Variants in WWOX observed in about 807,000 individuals in gnomAD.
The protein encoded by WWOX is WW domain-containing oxidoreductase.
In WWOX, 69 loss-of-function variants were observed where a neutral mutation model predicts 46.2. That is an observed-to-expected ratio of 1.49 (90% CI 1.23 to 1.82). WWOX has a LOEUF of 1.82. Among genes scored for constraint, WWOX ranks in the 40% most tolerant of loss-of-function variants. WWOX has a pLI of 0.00. For synonymous variants in WWOX, 359 were observed against 202.6 expected (o/e 1.77, Z -6.56); for missense variants, 919 against 542.6 (o/e 1.69, Z -6.89).
rs980971234 is a variant in WWOX at position 78,553,636 on chromosome 16, TAGA to T, written c.1056+120887_1056+120889del. Among the ~76,000 whole-genome samples, 32 of 152,088 alleles carry T rather than the reference TAGA, an allele frequency of 2.1e-4. 1 individual carries two copies. Among genetic ancestry groups the T allele is most frequent in the Non-Finnish European group, 2.9e-5 (2 of 68,010 alleles). On this transcript the variant is annotated intron_variant, in intron 8 of 8. Transcript: ENST00000566780. ...ATAAGTGAGCAGTATGGCGCCCTAATAGAAGGAGGGATGCCTGTGGCCAATATA... is the reference window on the plus strand; with the variant it reads ...ATAAGTGAGCAGTATGGCGCCCTAATAGGAGGGATGCCTGTGGCCAATATA...
rs892586087 is a variant in WWOX, at chr16:78,770,996, G to A, written c.1056+338244G>A. On this transcript the variant is annotated intron_variant, in intron 8 of 8. Transcript: ENST00000566780. ...AAGGTGACATTTGGAGCAGAGACAT[G>A]AAGGAAGGGATTGCTGGAGGCAGAA... is the stretch of plus-strand genomic sequence containing the variant. Among the ~76,000 whole-genome samples, 10 of 152,228 alleles carry A rather than the reference G, an allele frequency of 6.6e-5. 1 individual carries two copies. The South Asian group carries it at 1.9e-3, about 28-fold the overall frequency.
chr16:78,205,952 CT>C (rs1300595766), intron 5 of WWOX, among the ~76,000 whole-genome samples: 2 of 150,412 alleles, frequency 1.3e-5, no homozygotes, highest in African/African-American at 4.9e-5. Context: ...TTGTTCCTTC[CT>C]TTCTTTCCTC....
At chr16:78,697,556 A>G (rs193176757) in intron 8 of WWOX, among the ~76,000 whole-genome samples, 3 of 152,274 alleles carry the variant, frequency 2.0e-5, no homozygotes, top group Admixed American at 6.5e-5. Flanking sequence ...AATTAGCAAG[A>G]AAAAAGCTAA....
chr16:78,254,731 G>T (rs2038081411), intron 5 of WWOX, among the ~76,000 whole-genome samples: 1 of 151,948 alleles, frequency 6.6e-6, no homozygotes, highest in African/African-American at 2.4e-5. Flanking sequence ...GTTTCACTCT[G>T]TTGCCCAGGC....
At chr16:78,630,437 T>G (rs1233515429) in intron 8 of WWOX, among the ~76,000 whole-genome samples, 1 of 152,198 alleles carries the variant, frequency 6.6e-6, no homozygotes, top group Non-Finnish European at 1.5e-5. Flanking sequence ...GGCTGGAATT[T>G]TGTTATATGC....
At position 79,167,097 on chromosome 16, in the gene WWOX, C is replaced by A. The variant is rs143252486; in HGVS notation, c.1057-44511C>A. Among the ~76,000 whole-genome samples the A allele has an allele frequency of 3.1e-3, 469 of 152,150 alleles. 3 individuals carry two copies. Among genetic ancestry groups the A allele is most frequent in the Middle Eastern group, 6.8e-3 (2 of 294 alleles). On this transcript the variant is annotated intron_variant, in intron 8 of 8. Coordinates refer to ENST00000566780, the MANE Select transcript of WWOX (RefSeq NM_016373.4). ...CTGTGATTACAGGTGTGTGCTACCA[C>A]GGCCGGCTAATTTTTTTGTATTTTA...
intron 8 of WWOX, among the ~76,000 whole-genome samples, chr16:78,467,317 A>G (rs2738671): frequency 2.0e-5 from 3 of 152,178 alleles, no homozygotes. Flanking sequence ...CACACAGTCT[A>G]TATATACATG....
intron 8 of WWOX, among the ~76,000 whole-genome samples, chr16:78,966,778 A>C (rs2046370045): frequency 6.6e-6 from 1 of 152,204 alleles, no homozygotes; most frequent in Non-Finnish European, 1.5e-5. Context: ...GTCTGGATTC[A>C]AATCACATGT....
intron 5 of WWOX, among the ~76,000 whole-genome samples, chr16:78,371,464 T>C (rs2081683904): frequency 6.6e-6 from 1 of 152,224 alleles, no homozygotes; most frequent in South Asian, 2.1e-4. Context: ...TCTGTAGCTC[T>C]TTTAGTTGGT....
chr16:78,865,212 T>C (rs1280400596), intron 8 of WWOX, among the ~76,000 whole-genome samples: 1 of 152,238 alleles, frequency 6.6e-6, no homozygotes, highest in Non-Finnish European at 1.5e-5. Flanking sequence ...GAGAATGATT[T>C]AGGATGCGAT....
At chr16:78,600,432 CG>C (rs1352130309) in intron 8 of WWOX, among the ~76,000 whole-genome samples, 1 of 152,116 alleles carries the variant, frequency 6.6e-6, no homozygotes, top group Non-Finnish European at 1.5e-5. Context: ...ATCAAGGACT[CG>C]GATTTTTATG....
At chr16:79,005,350 T>C (rs1411350182) in intron 8 of WWOX, among the ~76,000 whole-genome samples, 4 of 152,130 alleles carry the variant, frequency 2.6e-5, no homozygotes, top group Admixed American at 2.6e-4. Flanking sequence ...CTAAGCACAG[T>C]CACAGAAATG....
chr16:78,471,956 G>A (rs2084232594), intron 8 of WWOX, among the ~76,000 whole-genome samples: 1 of 151,908 alleles, frequency 6.6e-6, no homozygotes, highest in Non-Finnish European at 1.5e-5. Flanking sequence ...TACTATTAAT[G>A]CAAAATCCTT....
intron 8 of WWOX, among the ~76,000 whole-genome samples, chr16:78,500,193 G>C (rs1315477405): frequency 6.6e-6 from 1 of 152,160 alleles, no homozygotes; most frequent in Admixed American, 6.5e-5. Context: ...GGTCAATGCA[G>C]TACTAATTGT....
At chr16:78,601,032 C>G (rs2045610088) in intron 8 of WWOX, among the ~76,000 whole-genome samples, 1 of 152,188 alleles carries the variant, frequency 6.6e-6, no homozygotes. Flanking sequence ...CAACCTCGTT[C>G]AGTTTCCACA....
intron 8 of WWOX, among the ~76,000 whole-genome samples, chr16:78,784,939 G>T (rs150993145): frequency 4.6e-3 from 696 of 152,266 alleles, no homozygotes; most frequent in Non-Finnish European, 8.1e-3. Context: ...AGGAAGCGAG[G>T]TGTCCCTTTT....
chr16:78,834,476 C>T (rs1253389428), intron 8 of WWOX, among the ~76,000 whole-genome samples: 4 of 152,106 alleles, frequency 2.6e-5, no homozygotes, highest in Non-Finnish European at 5.9e-5. Flanking sequence ...TATAGGTTGC[C>T]ATCCAAAGAA....
At position 78,560,638 on chromosome 16, in the gene WWOX, CTG is replaced by C. The variant is rs1000185594; in HGVS notation, c.1056+127888_1056+127889del. 3.4e-4 allele frequency among the ~76,000 whole-genome samples: 52 copies of C among 152,106 alleles called. 1 individual carries two copies. The highest frequency in any genetic ancestry group is 2.6e-4 in the Admixed American group (4 of 15,276). On this transcript the variant is annotated intron_variant, in intron 8 of 8. Coordinates refer to ENST00000566780, the MANE Select transcript of WWOX (RefSeq NM_016373.4). ...CAGTCTAGGCAACAAGAGTGAAACTCTGTCTCAAAAAAATTAATGATAATAAT... is the reference window on the plus strand; with the variant it reads ...CAGTCTAGGCAACAAGAGTGAAACTCTCTCAAAAAAATTAATGATAATAAT...
chr16:78,809,368 T>G (rs2051130179), intron 8 of WWOX, among the ~76,000 whole-genome samples: 1 of 151,890 alleles, frequency 6.6e-6, no homozygotes, highest in South Asian at 2.1e-4. Context: ...AAAAAAGCAT[T>G]TTTCGAATGA....
Sources: gnomAD v4.1 joint callset for allele counts (sites outside exome capture counted in the v4.1 genomes callset) on GRCh38, gnomAD v4.1.1 for gene constraint, MANE v1.5 for transcripts, NCBI Gene and HGNC (gene_info 2026-07-23, HGNC 2026-07-21) for gene names.